Variants in TUSC3 observed in about 807,000 individuals in gnomAD.
The protein encoded by TUSC3 is tumor suppressor candidate 3.
TUSC3 carries 45 observed loss-of-function variants against 44.8 expected under a neutral mutation model. The ratio of observed to expected loss-of-function variants is 1.00; its 90% CI spans 0.79 to 1.29. The LOEUF is 1.29. Ranked by LOEUF, TUSC3 falls within the 50% of genes most tolerant of loss-of-function variation. TUSC3 has a pLI of 0.00. For missense variants in TUSC3, 519 were observed against 437.9 expected, an observed-to-expected ratio of 1.19 and a Z score of -1.65; for synonymous variants, 212 against 152.9, an observed-to-expected ratio of 1.39 and a Z score of -2.85.
intron 10 of TUSC3, among the ~76,000 whole-genome samples, chr8:15,759,246 G>T (rs1454341611): frequency 6.6e-6 from 1 of 152,000 alleles, no homozygotes; most frequent in Non-Finnish European, 1.5e-5. Context: ...CTGAGCAGCT[G>T]CCCCTTACCC....
intron 1 of TUSC3, among the ~76,000 whole-genome samples, chr8:15,465,064 G>T (rs1409343324): frequency 6.6e-6 from 1 of 152,090 alleles, no homozygotes; most frequent in African/African-American, 2.4e-5. Context: ...TGGCCAGGAT[G>T]GTCTTGAACT....
chr8:15,652,554 A>G lies in TUSC3; in HGVS notation c.426+1740A>G, dbSNP rs142639668. ...CATAGTTCTCCTCTATAAGCAGCTT[A>G]CAGATTAGGGAGCTAATGATAATAG... On this transcript the variant is annotated intron_variant, in intron 3 of 10. Coordinates refer to ENST00000503731, the MANE Select transcript of TUSC3 (RefSeq NM_006765.4). Among the ~76,000 whole-genome samples, 746 of 152,324 alleles carry G rather than the reference A, an allele frequency of 4.9e-3. 6 individuals are homozygous for G. Among genetic ancestry groups the G allele is most frequent in the African/African-American group, 0.017 (710 of 41,568 alleles).
At chr8:15,464,198 A>C (rs1405515660) in intron 1 of TUSC3, among the ~76,000 whole-genome samples, 1 of 152,156 alleles carries the variant, frequency 6.6e-6, no homozygotes, top group Non-Finnish European at 1.5e-5. Flanking sequence ...AGTGTGTTTC[A>C]ATAGAGCAAA....
chr8:15,665,496 T>C (rs568848912), intron 5 of TUSC3, among the ~76,000 whole-genome samples: 1 of 151,490 alleles, frequency 6.6e-6, no homozygotes, highest in Non-Finnish European at 1.5e-5. Flanking sequence ...TACTGTGTTA[T>C]TTTATTGTAT....
the TUSC3 span, among the ~76,000 whole-genome samples, chr8:15,825,857 T>G: frequency 6.6e-6 from 1 of 151,506 alleles, no homozygotes; most frequent in African/African-American, 2.4e-5. Flanking sequence ...TAATTGATAG[T>G]GACCAATTAC....
chr8:15,426,347 T>C (rs558572515), intron 1 of TUSC3, among the ~76,000 whole-genome samples: 5 of 152,352 alleles, frequency 3.3e-5, no homozygotes, highest in African/African-American at 9.6e-5. Context: ...AGCTGATTTC[T>C]AGAACTTATT....
chr8:15,762,628 A>G (rs1164777480), intron 10 of TUSC3, among the ~76,000 whole-genome samples: 1 of 152,126 alleles, frequency 6.6e-6, no homozygotes, highest in Non-Finnish European at 1.5e-5. Context: ...AACACTAAAC[A>G]ACAAAAAGCT....
chr8:15,849,656 G>A, the TUSC3 span, among the ~76,000 whole-genome samples: 1 of 152,118 alleles, frequency 6.6e-6, no homozygotes, highest in South Asian at 2.1e-4. Flanking sequence ...AGCAAATCCT[G>A]TAAGAATGCC....
chr8:15,572,611 A>G (rs939037626), intron 1 of TUSC3, among the ~76,000 whole-genome samples: 5 of 152,274 alleles, frequency 3.3e-5, no homozygotes, highest in African/African-American at 9.6e-5. Flanking sequence ...CTTTTGGCCT[A>G]TCTGAGCTTT....
chr8:15,805,857 G>A, the TUSC3 span, among the ~76,000 whole-genome samples: 2 of 152,088 alleles, frequency 1.3e-5, no homozygotes, highest in African/African-American at 2.4e-5. Context: ...CCTCCTCCTA[G>A]ATTTTTTTGG....
the TUSC3 span, among the ~76,000 whole-genome samples, chr8:15,847,554 C>G: frequency 6.6e-6 from 1 of 152,114 alleles, no homozygotes; most frequent in Non-Finnish European, 1.5e-5. Flanking sequence ...TTCTCTGCCC[C>G]CCTCTCAAAT....
At chr8:15,832,893 G>C in the TUSC3 span, among the ~76,000 whole-genome samples, 6 of 152,018 alleles carry the variant, frequency 3.9e-5, no homozygotes, top group African/African-American at 1.4e-4. Context: ...AATTAACAAA[G>C]ATATCCCAGA....
At chr8:15,806,038 T>A in the TUSC3 span, 312 of 247,460 alleles carry the variant, frequency 1.3e-3, 1 homozygote, top group Middle Eastern at 8.3e-3. Flanking sequence ...TTCTTACCCA[T>A]GTCATATCCC....
chr8:15,799,920 C>T, the TUSC3 span, among the ~76,000 whole-genome samples: 1 of 152,150 alleles, frequency 6.6e-6, no homozygotes, highest in Non-Finnish European at 1.5e-5. Flanking sequence ...GTTTCCTGAG[C>T]TCCAAGTCCC....
chr8:15,706,416 A>T (rs1335263928), intron 6 of TUSC3, among the ~76,000 whole-genome samples: 1 of 152,066 alleles, frequency 6.6e-6, no homozygotes, highest in African/African-American at 2.4e-5. Flanking sequence ...AAGAACATCC[A>T]ATTCCATGTT....
intron 1 of TUSC3, among the ~76,000 whole-genome samples, chr8:15,472,391 A>G (rs1178639551): frequency 6.6e-6 from 1 of 152,240 alleles, no homozygotes; most frequent in African/African-American, 2.4e-5. Context: ...TAAAATTTCT[A>G]TATTATAATT....
chr8:15,570,954 G>GTTTTTTTTTTTTTTTT (rs549277334), intron 1 of TUSC3, among the ~76,000 whole-genome samples: 1,302 of 44,416 alleles, frequency 0.029, 460 homozygotes, highest in Non-Finnish European at 0.05. Context: ...TTGCCTATTA[G>GTTTTTTTTTTTTTTTT]TTTTTTTTTT....
At chr8:15,534,253 G>T (rs758442853) in intron 2 of TUSC3, among the ~76,000 whole-genome samples, 1 of 152,076 alleles carries the variant, frequency 6.6e-6, no homozygotes, top group African/African-American at 2.4e-5. Context: ...TAAAGAGTCC[G>T]TAGAATTTAC....
chr8:15,807,094 C>A, the TUSC3 span: 2 of 1,336,500 alleles, frequency 1.5e-6, no homozygotes, highest in Non-Finnish European at 1.1e-6. Context: ...ACCTGAGAAC[C>A]AGGATGCCCG....
Sources: gnomAD v4.1 joint callset for allele counts (sites outside exome capture counted in the v4.1 genomes callset) on GRCh38, gnomAD v4.1.1 for gene constraint, MANE v1.5 for transcripts, NCBI Gene and HGNC (gene_info 2026-07-23, HGNC 2026-07-21) for gene names.